Variants in MDFIC2 observed in about 807,000 individuals in gnomAD.
The protein encoded by MDFIC2 is MyoD family inhibitor domain containing 2.
At chr3:70,242,291 A>G (rs954174109) in intron 2 of MDFIC2, among the ~76,000 whole-genome samples, 1 of 152,292 alleles carries the variant, frequency 6.6e-6, no homozygotes, top group African/African-American at 2.4e-5. Context: ...ATCTCTTTGG[A>G]AATGGTGGGA....
At chr3:70,295,362 A>G (rs1702279477) in intron 2 of MDFIC2, among the ~76,000 whole-genome samples, 1 of 152,152 alleles carries the variant, frequency 6.6e-6, no homozygotes, top group South Asian at 2.1e-4. Context: ...GGTATGTGTG[A>G]TTCCAAAAAC....
intron 2 of MDFIC2, among the ~76,000 whole-genome samples, chr3:70,288,825 GT>G (rs1247602950): frequency 2.6e-5 from 4 of 151,668 alleles, no homozygotes; most frequent in African/African-American, 9.7e-5. Context: ...GGCCTTCTTT[GT>G]CTGTTTTGAT....
chr3:70,239,021 CCAAAAATGATCTA>C (rs1347531976), intron 2 of MDFIC2, among the ~76,000 whole-genome samples: 4 of 151,928 alleles, frequency 2.6e-5, no homozygotes, highest in African/African-American at 9.7e-5. Flanking sequence ...TGAAGGTATG[CCAAAAATGATCTA>C]CAAAAATGGC....
At chr3:70,285,223 A>G (rs1479001575) in intron 2 of MDFIC2, among the ~76,000 whole-genome samples, 1 of 92,648 alleles carries the variant, frequency 1.1e-5, no homozygotes, top group East Asian at 3.5e-4. Flanking sequence ...CCACCCCACA[A>G]CAGTCCCCAG....
intron 2 of MDFIC2, among the ~76,000 whole-genome samples, chr3:70,285,204 C>T (rs1303459941): frequency 2.7e-5 from 3 of 112,190 alleles, no homozygotes; most frequent in South Asian, 3.8e-4. Context: ...CTATCCCTCC[C>T]CCCTCCCCCC....
chr3:70,204,124 G>A (rs940434136), intron 3 of MDFIC2, among the ~76,000 whole-genome samples: 2 of 152,090 alleles, frequency 1.3e-5, no homozygotes, highest in African/African-American at 4.8e-5. Context: ...TTTAAGTGGG[G>A]CAATGTATAT....
intron 2 of MDFIC2, among the ~76,000 whole-genome samples, chr3:70,219,109 T>G (rs4392382): frequency 0.059 from 8,966 of 152,258 alleles, 414 homozygotes; most frequent in East Asian, 0.25. Context: ...GCTTTCAAGT[T>G]TAAGGTATTG....
At chr3:70,223,497 C>T (rs1224316771) in intron 2 of MDFIC2, among the ~76,000 whole-genome samples, 1 of 152,060 alleles carries the variant, frequency 6.6e-6, no homozygotes, top group East Asian at 1.9e-4. Context: ...AAAAGTTACT[C>T]TTGTAGATTT....
At chr3:70,250,611 T>C (rs1335037213) in intron 2 of MDFIC2, among the ~76,000 whole-genome samples, 2 of 152,180 alleles carry the variant, frequency 1.3e-5, no homozygotes, top group East Asian at 1.9e-4. Flanking sequence ...CAAAGGTTTG[T>C]TCAGCGAATG....
At chr3:70,235,064 T>G (rs982593043) in intron 2 of MDFIC2, among the ~76,000 whole-genome samples, 2 of 152,246 alleles carry the variant, frequency 1.3e-5, no homozygotes, top group Non-Finnish European at 2.9e-5. Flanking sequence ...TTCCTATGAT[T>G]GCACTTTGCT....
intron 2 of MDFIC2, among the ~76,000 whole-genome samples, chr3:70,241,691 A>G (rs1002235750): frequency 2.0e-5 from 3 of 152,210 alleles, no homozygotes; most frequent in Non-Finnish European, 4.4e-5. Context: ...AGAGTGTTCA[A>G]TCATGTCCTG....
intron 2 of MDFIC2, among the ~76,000 whole-genome samples, chr3:70,292,837 T>G (rs1702251639): frequency 6.6e-6 from 1 of 151,948 alleles, no homozygotes; most frequent in Non-Finnish European, 1.5e-5. Flanking sequence ...GTTCAAAAAT[T>G]TTTCTTTGAA....
At chr3:70,310,519 C>G (rs558296400) in intron 2 of MDFIC2, among the ~76,000 whole-genome samples, 47 of 152,066 alleles carry the variant, frequency 3.1e-4, no homozygotes, top group Non-Finnish European at 5.1e-4. Flanking sequence ...GGGTGTGCCA[C>G]CACATCTGAC....
intron 2 of MDFIC2, among the ~76,000 whole-genome samples, chr3:70,259,811 T>G (rs1252434536): frequency 6.6e-6 from 1 of 152,158 alleles, no homozygotes; most frequent in Non-Finnish European, 1.5e-5. Context: ...GGAAAGAGGT[T>G]TGATTGACTC....
intron 1 of MDFIC2, 26 bp from the exon 2 acceptor site, chr3:70,311,999 T>TA (rs1415552652): frequency 5.0e-6 from 2 of 397,508 alleles, no homozygotes; most frequent in African/African-American, 2.1e-5. Context: ...ATTTGTGATA[T>TA]AAAAAATTCA....
At chr3:70,296,510 T>A (rs139318852) in intron 2 of MDFIC2, among the ~76,000 whole-genome samples, 309 of 152,154 alleles carry the variant, frequency 2.0e-3, no homozygotes, top group Middle Eastern at 6.8e-3. Flanking sequence ...TAAGATAATT[T>A]AAAAAAAATC....
intron 2 of MDFIC2, among the ~76,000 whole-genome samples, chr3:70,254,152 CA>C (rs11375266): frequency 6.6e-6 from 1 of 151,692 alleles, no homozygotes; most frequent in African/African-American, 2.4e-5. Flanking sequence ...TCCAATTACA[CA>C]AAAAAAATTG....
In MDFIC2 at chr3:70,246,671, G is replaced by A. The variant is rs545702160; in HGVS notation, c.89-39881C>T. Reference sequence around the variant, plus strand: ...ACAACCTACATTTATATAGCAATACGTGGGACACAATACTAAAAAAAATTA... The same window carrying A: ...ACAACCTACATTTATATAGCAATACATGGGACACAATACTAAAAAAAATTA... On this transcript the variant is annotated intron_variant, in intron 2 of 3. Transcript: ENST00000567252. Among the ~76,000 whole-genome samples the A allele has an allele frequency of 5.7e-4, 86 of 152,034 alleles. 1 individual carries two copies. In the Middle Eastern group the frequency reaches 0.01, roughly 18 times the overall value.
intron 2 of MDFIC2, among the ~76,000 whole-genome samples, chr3:70,234,381 G>A (rs541916907): frequency 5.3e-5 from 8 of 152,294 alleles, no homozygotes; most frequent in African/African-American, 1.4e-4. Flanking sequence ...AGGCACAGTG[G>A]CTCATGCCTG....
Sources: gnomAD v4.1 joint callset for allele counts (sites outside exome capture counted in the v4.1 genomes callset) on GRCh38, gnomAD v4.1.1 for gene constraint, MANE v1.5 for transcripts, NCBI Gene and HGNC (gene_info 2026-07-23, HGNC 2026-07-21) for gene names.